The following KSR2 variants were observed in gnomAD, a reference collection of about 807,000 sequenced individuals.
KSR2 encodes the protein kinase suppressor of ras 2.
KSR2 carries 25 observed loss-of-function variants against 107.8 expected under a neutral mutation model. That is an observed-to-expected ratio of 0.23 (90% CI 0.17 to 0.32). The LOEUF (loss-of-function observed/expected upper bound fraction) is 0.32. Ranked by LOEUF, KSR2 falls within the 10% of genes least tolerant of loss-of-function variation. The pLI is 1.00. For missense variants in KSR2, 887 were observed against 1,268.9 expected (o/e 0.70, Z 4.57); for synonymous variants, 480 against 507.0 (o/e 0.95, Z 0.71).
intron 3 of KSR2, among the ~76,000 whole-genome samples, chr12:117,823,959 T>C (rs1249939661): frequency 1.3e-5 from 2 of 152,198 alleles, no homozygotes; most frequent in African/African-American, 4.8e-5. Flanking sequence ...CCCAGGTTTA[T>C]TGCAACATGA....
intron 1 of KSR2, among the ~76,000 whole-genome samples, chr12:117,886,190 T>A (rs1456277146): frequency 6.7e-6 from 1 of 150,328 alleles, no homozygotes; most frequent in Non-Finnish European, 1.5e-5. Flanking sequence ...TTTGTATAGG[T>A]ATAAATAATA....
intron 1 of KSR2, among the ~76,000 whole-genome samples, chr12:117,920,576 G>C (rs934829352): frequency 2.0e-5 from 3 of 152,094 alleles, no homozygotes; most frequent in Non-Finnish European, 4.4e-5. Context: ...CCAGCTACTT[G>C]ACATGAATTA....
At chr12:117,702,860 T>G (rs1022128314) in intron 4 of KSR2, among the ~76,000 whole-genome samples, 1 of 152,292 alleles carries the variant, frequency 6.6e-6, no homozygotes, top group East Asian at 1.9e-4. Context: ...TAGCTCAGAA[T>G]GAGATCCTCC....
chr12:117,588,455 G>C (rs1239660110), intron 5 of KSR2, among the ~76,000 whole-genome samples: 1 of 152,154 alleles, frequency 6.6e-6, no homozygotes, highest in African/African-American at 2.4e-5. Context: ...GTTTGGGCCT[G>C]GGTCTCATCT....
chr12:117,531,814 C>A, intron 10 of KSR2, 107 bp from the exon 11 acceptor site: 2 of 724,040 alleles, frequency 2.8e-6, no homozygotes, highest in East Asian at 2.9e-5. Flanking sequence ...TGCCCACCTT[C>A]AAGAGTTTCC....
intron 3 of KSR2, among the ~76,000 whole-genome samples, chr12:117,767,657 C>T (rs533768885): frequency 2.0e-5 from 3 of 150,376 alleles, no homozygotes; most frequent in South Asian, 2.1e-4. Flanking sequence ...TGGTGACCCA[C>T]GCGTGTAGTC....
chr12:117,753,715 T>C (rs1040768207), intron 4 of KSR2, among the ~76,000 whole-genome samples: 16 of 151,984 alleles, frequency 1.1e-4, no homozygotes, highest in African/African-American at 3.4e-4. Context: ...TTATGGCTAC[T>C]AGGCACCTGG....
chr12:117,720,625 C>T (rs1350888490), intron 4 of KSR2, among the ~76,000 whole-genome samples: 1 of 152,198 alleles, frequency 6.6e-6, no homozygotes, highest in Non-Finnish European at 1.5e-5. Context: ...ATAAGCTCCA[C>T]CCTTTGGTCT....
intron 5 of KSR2, among the ~76,000 whole-genome samples, chr12:117,631,652 C>A (rs78346467): frequency 6.6e-6 from 1 of 152,114 alleles, no homozygotes; most frequent in Non-Finnish European, 1.5e-5. Flanking sequence ...CCTTTTCAAG[C>A]ATACCAAGAG....
At chr12:117,920,995 A>G (rs917840977) in intron 1 of KSR2, among the ~76,000 whole-genome samples, 5 of 152,134 alleles carry the variant, frequency 3.3e-5, no homozygotes, top group African/African-American at 1.2e-4. Flanking sequence ...TGATACTAGT[A>G]TTTTATCTTT....
chr12:117,929,085 G>T (rs1895620376), intron 1 of KSR2, among the ~76,000 whole-genome samples: 1 of 152,182 alleles, frequency 6.6e-6, no homozygotes, highest in Non-Finnish European at 1.5e-5. Flanking sequence ...TATGACTTCA[G>T]ACATACATCT....
In KSR2 at chr12:117,968,250, A is replaced by C; in HGVS notation, c.6T>G (p.Asp2Glu). 7.1e-7 allele frequency: 1 copy of C among 1,415,644 alleles called. No individual in the cohort carries two copies. The highest frequency in any genetic ancestry group is 1.2e-5 in the South Asian group (1 of 85,454). The allele number at this position is 1,415,644 out of a possible 1,614,324, so 87.7% of individuals were successfully genotyped here. A position where few individuals can be genotyped will look rare whatever the true frequency, so the allele number is the denominator to read the frequency against. Residue 2 changes from aspartate (D) to glutamate (E), a missense_variant, in exon 1 of 20, where the codon GAT (aspartate) becomes GAG (glutamate). Around this residue, in one of 8 missense-constraint regions of KSR2, gnomAD observed 32 missense variants for 25.9 expected, o/e 1.23. Transcript: ENST00000339824. ...CCTCGCTTTTCGTCATGTTTTCCTC[A>C]TCCATCGCTTGCTCTGCAACCCCCT... M[D>E]EENMTKSEEQ...
intron 4 of KSR2, among the ~76,000 whole-genome samples, chr12:117,685,251 T>G (rs994899433): frequency 6.6e-6 from 1 of 152,236 alleles, no homozygotes; most frequent in African/African-American, 2.4e-5. Context: ...GATTAGTGAC[T>G]AATCTTATTT....
chr12:117,947,010 C>CA (rs145320672), intron 1 of KSR2, among the ~76,000 whole-genome samples: 15,594 of 149,762 alleles, frequency 0.1, 1,045 homozygotes, highest in Admixed American at 0.16. Flanking sequence ...ACTAAAAATA[C>CA]AAAAAAAAAT....
intron 4 of KSR2, among the ~76,000 whole-genome samples, chr12:117,744,533 G>A (rs934595634): frequency 6.6e-6 from 1 of 152,168 alleles, no homozygotes; most frequent in Admixed American, 6.5e-5. Flanking sequence ...CTAGAACTTT[G>A]TTTATAGAGG....
At chr12:117,931,074 C>A (rs775433595) in intron 1 of KSR2, among the ~76,000 whole-genome samples, 3 of 152,148 alleles carry the variant, frequency 2.0e-5, no homozygotes, top group Non-Finnish European at 4.4e-5. Context: ...TACAGAAACT[C>A]CAAGAGAGTC....
chr12:117,639,638 T>TTATTATTA (rs1883268253), intron 5 of KSR2, among the ~76,000 whole-genome samples: 2 of 136,396 alleles, frequency 1.5e-5, no homozygotes, highest in Admixed American at 1.5e-4. Context: ...CGTATTATTA[T>TTATTATTA]TATTATTATT....
At chr12:117,796,598 C>G (rs1354619250) in intron 3 of KSR2, among the ~76,000 whole-genome samples, 1 of 152,138 alleles carries the variant, frequency 6.6e-6, no homozygotes, top group East Asian at 1.9e-4. Flanking sequence ...AAATCCCAGC[C>G]CTGCCCTTAC....
Position 117,755,285 on chromosome 12 carries a change from A to AT in KSR2, c.986+5725dup, listed in dbSNP as rs370707279. 2.6e-3 allele frequency among the ~76,000 whole-genome samples: 395 copies of AT among 152,230 alleles called. 1 individual carries two copies. The highest frequency in any genetic ancestry group is 8.9e-3 in the African/African-American group (368 of 41,550). On this transcript the variant is annotated intron_variant, in intron 4 of 19. Coordinates refer to ENST00000339824, the MANE Select transcript of KSR2 (RefSeq NM_173598.6). ...CTCCACTGCACTTTGCAGACATCAC[A>AT]TTTTTTTACAAATTGAAGGTTTGTG...
Sources: allele counts gnomAD v4.1 joint callset (sites outside exome capture counted in the v4.1 genomes callset), GRCh38; gene constraint gnomAD v4.1.1; regional missense constraint gnomAD v4.1.1; transcripts MANE v1.5; gene names NCBI Gene and HGNC (gene_info 2026-07-23, HGNC 2026-07-21).